The following SRSF7 variants were observed in gnomAD, a reference collection of about 807,000 sequenced individuals.
SRSF7 encodes the protein serine and arginine rich splicing factor 7.
SRSF7 carries 15 observed loss-of-function variants against 42.2 expected under a neutral mutation model. That is an observed-to-expected ratio of 0.36 (90% CI 0.24 to 0.55). The LOEUF (loss-of-function observed/expected upper bound fraction) is 0.55. SRSF7 is among the 20% of genes least tolerant of loss of function. SRSF7 has a pLI of 0.88. For synonymous variants in SRSF7, 138 were observed against 107.9 expected (o/e 1.28, Z -1.73); for missense variants, 181 against 305.9 (o/e 0.59, Z 3.04).
chr2:38,751,438 C>G, upstream of SRSF7: 6 of 766,962 alleles, frequency 7.8e-6, no homozygotes, highest in Non-Finnish European at 1.1e-5. Flanking sequence ...TTCTGCGCGG[C>G]ACAAAGGAGC....
chr2:38,749,111 AG>A, intron 3 of SRSF7: 10 of 1,315,970 alleles, frequency 7.6e-6, no homozygotes, highest in East Asian at 5.4e-5. Flanking sequence ...TCTAAACCGG[AG>A]GGGGGCCCCA....
At chr2:38,748,192 T>G in intron 4 of SRSF7, 35 bp from the exon 5 acceptor site, 2 of 1,334,560 alleles carry the variant, frequency 1.5e-6, no homozygotes, top group Non-Finnish European at 2.0e-6. Context: ...TCTCCACAGT[T>G]TTTTTTTTTT....
Position 38,750,024 on chromosome 2 carries a change from G to A in SRSF7, c.199C>T (p.Leu67=). The change falls in exon 2 of 8, where the codon CTG becomes TTG. Residue 67 remains leucine (L), a synonymous_variant. Coordinates refer to ENST00000313117, the MANE Select transcript of SRSF7 (RefSeq NM_001031684.3). ...PRDAEDAVRG[L]DGKVICGSRV... ...TAACATCTTACTTACTTTCCATCCA[G>A]TCCTCGTACTGCATCTTCTGCATCT... 2.5e-6 allele frequency: 4 copies of A among 1,611,258 alleles called. No homozygotes were observed. The highest frequency in any genetic ancestry group is 1.3e-5 in the African/African-American group (1 of 74,874).
chr2:38,744,439 A>T lies in SRSF7; in HGVS notation c.*694T>A. 1 of 152,572 alleles carries T rather than the reference A, an allele frequency of 6.6e-6. No homozygotes were observed. The highest frequency in any genetic ancestry group is 1.5e-5 in the Non-Finnish European group (1 of 68,044). The allele number at this position is 152,572 out of a possible 1,614,324, so 9.5% of individuals were successfully genotyped here. ...ACTCCCCATATCTTGGGGAGTCCTA[A>T]TTAACACTATGCCACCTAGTAGCCT... is the stretch of plus-strand genomic sequence containing the variant. On this transcript the variant is annotated 3_prime_UTR_variant, in exon 8 of 8. Transcript: ENST00000313117.
intron 3 of SRSF7, chr2:38,748,973 A>ATCG: frequency 7.7e-7 from 1 of 1,292,554 alleles, no homozygotes; most frequent in Non-Finnish European, 1.0e-6. Flanking sequence ...TCTATAGCCG[A>ATCG]TCGCTGCATC....
At chr2:38,747,890 A>G (rs1323438652) in intron 5 of SRSF7, among the ~76,000 whole-genome samples, 157 bp downstream of exon 5, 1 of 152,220 alleles carries the variant, frequency 6.6e-6, no homozygotes, top group African/African-American at 2.4e-5. Context: ...CATCTGTAAA[A>G]CTAGGTTAAT....
At chr2:38,748,532 T>C in intron 4 of SRSF7, 47 bp downstream of exon 4, 1 of 1,577,586 alleles carries the variant, frequency 6.3e-7, no homozygotes, top group Non-Finnish European at 8.7e-7. Flanking sequence ...GGACTACCAG[T>C]GAATTTAATA....
In SRSF7 at chr2:38,744,474, A is replaced by C; in HGVS notation, c.*659T>G. ...TGCCACCTAGTAGCCTGAAAGCTGC[A>C]ATTAGTATAAAGATCATCCAGAAAT... On this transcript the variant is annotated 3_prime_UTR_variant, in exon 8 of 8. Transcript: ENST00000313117. 2.3e-5 allele frequency: 3 copies of C among 132,510 alleles called. No individual in the cohort carries two copies. The highest frequency in any genetic ancestry group is 8.2e-5 in the Admixed American group (1 of 12,144). The allele number at this position is 132,510 out of a possible 1,614,324, so 8.2% of individuals were successfully genotyped here.
Position 38,744,705 on chromosome 2 carries a change from G to C in SRSF7, c.*428C>G. The C allele has an allele frequency of 1.8e-5, 3 of 165,460 alleles. No individual in the cohort carries two copies. The highest frequency in any genetic ancestry group is 3.9e-5 in the Non-Finnish European group (3 of 76,086). 10.2% of individuals were successfully genotyped at this position (165,460 alleles called of 1,614,324 possible). A position where few individuals can be genotyped will look rare whatever the true frequency, so the allele number is the denominator to read the frequency against. ...GGTCATCTTACCCAGAGCTACAAGG[G>C]TAAGATGGAATTTTCAAAGTCCCTT... On this transcript the variant is annotated 3_prime_UTR_variant, in exon 8 of 8. Coordinates refer to ENST00000313117, the MANE Select transcript of SRSF7 (RefSeq NM_001031684.3).
chr2:38,750,121 A>G lies in SRSF7; in HGVS notation c.102T>C (p.Tyr34=). The G allele has an allele frequency of 1.2e-6, 2 of 1,613,738 alleles. No homozygotes were observed. The highest frequency in any genetic ancestry group is 1.7e-5 in the Admixed American group (1 of 59,960). Residue 34 remains tyrosine, a synonymous_variant, in exon 2 of 8, where the codon TAT becomes TAC. Transcript: ENST00000313117. ...KGELERAFSY[Y]GPLRTVWIAR... is the part of the protein sequence containing the mutation. ...CAATCCATACAGTTCTTAAAGGACC[A>G]TAATAACTGAAAGCCCTTTCTAACT...
chr2:38,746,623 T>C (rs1482162394), intron 6 of SRSF7, 71 bp downstream of exon 6: 1 of 1,592,650 alleles, frequency 6.3e-7, no homozygotes, highest in Non-Finnish European at 8.5e-7. Context: ...TTTCAACAAT[T>C]AAAAACACTT....
intron 5 of SRSF7, among the ~76,000 whole-genome samples, chr2:38,747,512 C>T (rs756199529): frequency 2.0e-5 from 3 of 152,118 alleles, no homozygotes; most frequent in Admixed American, 1.3e-4. Context: ...CCTTTTAAGG[C>T]CTTCTACAAA....
At chr2:38,750,257 T>C in intron 1 of SRSF7, 63 bp from the exon 2 acceptor site, 1 of 1,502,560 alleles carries the variant, frequency 6.7e-7, no homozygotes. Context: ...TTTCAATTAC[T>C]TATTTGCCTT....
Position 38,743,672 on chromosome 2 carries a change from C to G in SRSF7, c.*1461G>C. Reference sequence around the variant, plus strand: ...AATAATACAGAACAATTAAAGCTAACCAAGTGCAACAGATAAATAAGCCTG... The same window carrying G: ...AATAATACAGAACAATTAAAGCTAAGCAAGTGCAACAGATAAATAAGCCTG... On this transcript the variant is annotated 3_prime_UTR_variant, in exon 8 of 8. Transcript: ENST00000313117. 6.6e-6 allele frequency: 1 copy of G among 152,614 alleles called. No individual in the cohort carries two copies. Among genetic ancestry groups the G allele is most frequent in the Non-Finnish European group, 1.5e-5 (1 of 68,038 alleles). 9.5% of individuals were successfully genotyped at this position (152,614 alleles called of 1,614,324 possible).
rs752597273 is a variant in SRSF7, at chr2:38,750,210, A to T, written c.29-16T>A. On this transcript the variant is annotated splice_polypyrimidine_tract_variant and intron_variant, in intron 1 of 7. Transcript: ENST00000313117. ...ACCTTGGTTTCTGTTTAAAAACGCA[A>T]ATAGAAGAATGCACGTTACGCAAAA... 6.3e-7 allele frequency: 1 copy of T among 1,582,280 alleles called. No individual in the cohort carries two copies. The highest frequency in any genetic ancestry group is 8.6e-7 in the Non-Finnish European group (1 of 1,167,772).
intron 5 of SRSF7, 101 bp from the exon 6 acceptor site, chr2:38,746,848 A>C (rs1312030948): frequency 6.4e-7 from 1 of 1,553,652 alleles, no homozygotes; most frequent in African/African-American, 1.4e-5. Context: ...AAAGAAGCTA[A>C]AACTAAACAA....
chr2:38,750,314 T>C (rs910075186), intron 1 of SRSF7, 120 bp from the exon 2 acceptor site: 2 of 817,426 alleles, frequency 2.4e-6, no homozygotes, highest in African/African-American at 1.8e-5. Context: ...TAATGCCCTC[T>C]ATCCAAGACA....
In SRSF7 at chr2:38,751,264, G is replaced by T; in HGVS notation, c.-8C>A. 6.2e-7 allele frequency: 1 copy of T among 1,614,124 alleles called. No individual in the cohort carries two copies. Among genetic ancestry groups the T allele is most frequent in the Non-Finnish European group, 8.5e-7 (1 of 1,180,010 alleles). On this transcript the variant is annotated 5_prime_UTR_variant, in exon 1 of 8. It adds an upstream start codon to the 5' untranslated region. Coordinates refer to ENST00000313117, the MANE Select transcript of SRSF7 (RefSeq NM_001031684.3). ...CCGCCCGTAACGCGACATGATGACA[G>T]ACCCGCGTGCTCGGCTCTTTAGCAA...
At position 38,746,700 on chromosome 2, in the gene SRSF7, C is replaced by T; in HGVS notation, c.620G>A (p.Arg207Lys). 1 of 1,613,678 alleles carries T rather than the reference C, an allele frequency of 6.2e-7. No homozygotes were observed. The highest frequency in any genetic ancestry group is 1.1e-5 in the South Asian group (1 of 90,882). Reference protein sequence around the residue: ...RSRSRSISRPRSSRSKSRSPS... With the variant: ...RSRSRSISRPKSSRSKSRSPS... ...AATCAAATTTTTACCCTACCTGCTT[C>T]TTGGTCGTGAAATAGACCTGGATCT... Residue 207 changes from arginine to lysine, a missense_variant, in exon 6 of 8, where the codon AGA becomes AAA. Physicochemically the swap from Arg to Lys is conservative, Grantham distance 26 (BLOSUM62 2). This residue lies in a region of SRSF7 where 136 missense variants were observed against 147.8 expected (regional missense o/e 0.92). Coordinates refer to ENST00000313117, the MANE Select transcript of SRSF7 (RefSeq NM_001031684.3).
Sources: gnomAD v4.1 joint callset for allele counts (sites outside exome capture counted in the v4.1 genomes callset) on GRCh38, gnomAD v4.1.1 for gene constraint, gnomAD v4.1.1 regional missense constraint, MANE v1.5 for transcripts, NCBI Gene and HGNC (gene_info 2026-07-23, HGNC 2026-07-21) for gene names.